ESRRG: variants seen among roughly 807,000 people sequenced by gnomAD.
ESRRG encodes the protein estrogen-related receptor gamma.
ESRRG carries 13 observed loss-of-function variants against 44.0 expected under a neutral mutation model. The observed-to-expected ratio is 0.30, with a 90% CI of 0.19 to 0.47. The LOEUF (loss-of-function observed/expected upper bound fraction) is 0.47. Ranked by LOEUF, ESRRG falls within the 20% of genes least tolerant of loss-of-function variation. The probability of loss-of-function intolerance (pLI) is 1.00; values close to 1 mark genes in which losing one functional copy is unlikely to be tolerated. For synonymous variants in ESRRG, 215 were observed against 214.6 expected (o/e 1.00, Z -0.02); for missense variants, 395 against 580.6 (o/e 0.68, Z 3.29).
At chr1:216,793,877 T>A (rs1254430856) in intron 2 of ESRRG, among the ~76,000 whole-genome samples, 2 of 152,066 alleles carry the variant, frequency 1.3e-5, no homozygotes, top group Admixed American at 1.3e-4. Flanking sequence ...ATTTTCTGAA[T>A]GAATGATCCT....
Position 217,100,912 on chromosome 1 carries a change from G to C in ESRRG, c.-230+36755C>G, listed in dbSNP as rs369538698. Among the ~76,000 whole-genome samples the C allele has an allele frequency of 1.5e-3, 231 of 152,328 alleles. 1 individual carries two copies. The highest frequency in any genetic ancestry group is 5.0e-3 in the African/African-American group (207 of 41,580). On this transcript the variant is annotated intron_variant, in intron 1 of 8. Coordinates refer to the ESRRG transcript ENST00000366940. Reference sequence around the variant, plus strand: ...TTCAACAGGAGATTTGGAGGGGACAGACATCCAAACTATATCATTAGTCTT... The same window carrying C: ...TTCAACAGGAGATTTGGAGGGGACACACATCCAAACTATATCATTAGTCTT...
At chr1:217,052,136 C>T (rs373724038) in intron 1 of ESRRG, among the ~76,000 whole-genome samples, 2 of 152,102 alleles carry the variant, frequency 1.3e-5, no homozygotes, top group African/African-American at 4.8e-5. Context: ...ATAGAAATCA[C>T]TTTGGATAAA....
At chr1:216,761,926 T>C (rs547602757) in intron 2 of ESRRG, among the ~76,000 whole-genome samples, 249 of 152,252 alleles carry the variant, frequency 1.6e-3, no homozygotes, top group African/African-American at 5.7e-3. Flanking sequence ...TCTCCAGTTG[T>C]CTGACTCTCA....
chr1:216,633,877 C>T (rs2064750629), intron 3 of ESRRG, among the ~76,000 whole-genome samples: 1 of 152,178 alleles, frequency 6.6e-6, no homozygotes, highest in Admixed American at 6.5e-5. Flanking sequence ...AGTTGAACTG[C>T]TTTGAGATCA....
intron 2 of ESRRG, among the ~76,000 whole-genome samples, chr1:216,761,392 C>T (rs982350649): frequency 6.6e-6 from 1 of 151,960 alleles, no homozygotes; most frequent in Non-Finnish European, 1.5e-5. Flanking sequence ...TAATGGAAAC[C>T]AGAAAACAAA....
At chr1:217,106,558 G>A (rs554142490) in intron 1 of ESRRG, among the ~76,000 whole-genome samples, 1 of 152,304 alleles carries the variant, frequency 6.6e-6, no homozygotes, top group African/African-American at 2.4e-5. Context: ...TAAGGAAGAA[G>A]AAAAGCTCTG....
At chr1:216,616,281 A>G (rs939598211) in intron 3 of ESRRG, among the ~76,000 whole-genome samples, 2 of 152,082 alleles carry the variant, frequency 1.3e-5, no homozygotes, top group African/African-American at 2.4e-5. Flanking sequence ...GCCTACCAGG[A>G]GATTGGTAGT....
At chr1:217,002,746 G>A (rs1478991916) in intron 1 of ESRRG, among the ~76,000 whole-genome samples, 2 of 152,238 alleles carry the variant, frequency 1.3e-5, no homozygotes, top group Middle Eastern at 3.4e-3. Context: ...GGGACACATG[G>A]AGAGGAACCA....
chr1:216,884,179 GTCAATTTGGTTTT>G (rs1285078129), intron 2 of ESRRG, among the ~76,000 whole-genome samples: 2 of 152,120 alleles, frequency 1.3e-5, no homozygotes, highest in Non-Finnish European at 2.9e-5. Context: ...AACTAGGTTT[GTCAATTTGGTTTT>G]ACACTGAAAC....
intron 2 of ESRRG, among the ~76,000 whole-genome samples, chr1:216,853,286 C>A (rs1309524552): frequency 6.6e-6 from 1 of 152,088 alleles, no homozygotes; most frequent in Non-Finnish European, 1.5e-5. Context: ...AGATCCTATG[C>A]CTTTATCAAC....
intron 1 of ESRRG, among the ~76,000 whole-genome samples, chr1:217,125,567 T>A (rs1228735640): frequency 2.6e-5 from 4 of 152,352 alleles, no homozygotes; most frequent in African/African-American, 7.2e-5. Flanking sequence ...AACATAGTAT[T>A]TGATACTTTA....
intron 2 of ESRRG, among the ~76,000 whole-genome samples, chr1:216,843,672 T>G (rs1248297649): frequency 6.6e-6 from 1 of 152,160 alleles, no homozygotes; most frequent in African/African-American, 2.4e-5. Context: ...TGTGGGGCTG[T>G]AACATCAATT....
chr1:217,119,882 T>C (rs1211151655), intron 1 of ESRRG, among the ~76,000 whole-genome samples: 2 of 152,220 alleles, frequency 1.3e-5, no homozygotes, highest in Non-Finnish European at 2.9e-5. Flanking sequence ...AGAAATTGGG[T>C]GGGCCTTGGG....
At chr1:216,841,463 TG>T (rs1188356879) in intron 2 of ESRRG, among the ~76,000 whole-genome samples, 1 of 152,168 alleles carries the variant, frequency 6.6e-6, no homozygotes, top group Non-Finnish European at 1.5e-5. Context: ...GGAAGCAAAC[TG>T]TGGAAGTACA....
chr1:216,798,713 G>A (rs2094537947), intron 2 of ESRRG, among the ~76,000 whole-genome samples: 1 of 152,134 alleles, frequency 6.6e-6, no homozygotes, highest in South Asian at 2.1e-4. Flanking sequence ...TGGTGATAGA[G>A]AAAATTGAAC....
rs577747306 is a variant in ESRRG, at chr1:216,815,368, T to C, written c.-14+124214A>G. 2.0e-5 allele frequency among the ~76,000 whole-genome samples: 3 copies of C among 152,312 alleles called. 1 individual carries two copies. The highest frequency in any genetic ancestry group is 4.1e-4 in the South Asian group (2 of 4,826). On this transcript the variant is annotated intron_variant, in intron 2 of 7. Transcript: ENST00000359162. ...CTGAGGTACAGAGACATTAAGTAAA[T>C]GGCCACACAGCTGGGAGCCAACTGA...
intron 2 of ESRRG, among the ~76,000 whole-genome samples, chr1:216,790,765 A>T (rs1559649505): frequency 6.6e-6 from 1 of 152,106 alleles, no homozygotes; most frequent in South Asian, 2.1e-4. Flanking sequence ...ATGAATCATG[A>T]TCAGTTGTAG....
intron 4 of ESRRG, among the ~76,000 whole-genome samples, chr1:216,567,186 G>C (rs993763079): frequency 1.3e-5 from 2 of 152,190 alleles, no homozygotes; most frequent in Non-Finnish European, 2.9e-5. Context: ...TCCATGCCCA[G>C]TAGGATCCCT....
chr1:216,916,137 A>G (rs2061137241), intron 2 of ESRRG, among the ~76,000 whole-genome samples: 1 of 152,222 alleles, frequency 6.6e-6, no homozygotes, highest in South Asian at 2.1e-4. Flanking sequence ...CAGAATGGAA[A>G]GAATGAGCTT....
Sources: gnomAD v4.1 joint callset for allele counts (sites outside exome capture counted in the v4.1 genomes callset) on GRCh38, gnomAD v4.1.1 for gene constraint, MANE v1.5 for transcripts, NCBI Gene and HGNC (gene_info 2026-07-23, HGNC 2026-07-21) for gene names.